MMP16: variants seen among roughly 807,000 people sequenced by gnomAD.
MMP16 encodes matrix metalloproteinase-16.
A neutral mutation model predicts 67.8 loss-of-function variants in MMP16; 12 were observed. The observed-to-expected ratio is 0.18, with a 90% CI of 0.11 to 0.29. The LOEUF is 0.29. MMP16 is among the 10% of genes least tolerant of loss of function. The pLI is 1.00. For synonymous variants in MMP16, 249 were observed against 255.9 expected (o/e 0.97, Z 0.26); for missense variants, 475 against 765.7 (o/e 0.62, Z 4.48).
chr8:88,284,387 TAGAA>T (rs1467552556), intron 1 of MMP16, among the ~76,000 whole-genome samples: 4 of 152,134 alleles, frequency 2.6e-5, no homozygotes, highest in African/African-American at 7.2e-5. Context: ...ATTGTTTAGT[TAGAA>T]AGGATCTCAA....
At chr8:88,171,830 A>ATT (rs148093843) in intron 3 of MMP16, among the ~76,000 whole-genome samples, 58 of 144,150 alleles carry the variant, frequency 4.0e-4, no homozygotes, top group Non-Finnish European at 5.8e-4. Context: ...GATATGATGC[A>ATT]TTTTTTTTTT....
intron 1 of MMP16, 97 bp downstream of exon 1, chr8:88,326,978 C>T (rs1368585949): frequency 6.6e-6 from 10 of 1,519,152 alleles, no homozygotes; most frequent in African/African-American, 5.5e-5. Context: ...TGCTGGGACC[C>T]AGGCTGCTCT....
In MMP16 at chr8:88,046,671, T is replaced by C. The variant is rs762250691; in HGVS notation, c.1487A>G (p.Asn496Ser). 2 of 1,581,796 alleles carry C rather than the reference T, an allele frequency of 1.3e-6. No homozygotes were observed. Among genetic ancestry groups the C allele is most frequent in the Admixed American group, 3.8e-5 (2 of 53,058 alleles). The change falls in exon 9 of 10, where the codon AAT (asparagine) becomes AGT (serine). Residue 496 changes from asparagine to serine, a missense_variant and splice_region_variant. This residue lies in a region of MMP16 where 23 missense variants were observed against 79.1 expected (regional missense o/e 0.29). Transcript: ENST00000286614. Reference sequence around the variant, plus strand: ...TGTAGAAAGCACATGTTGCATACCATTTTCTTTGTGTACAAATGCTCCCTG... The same window carrying C: ...TGTAGAAAGCACATGTTGCATACCACTTTCTTTGTGTACAAATGCTCCCTG... ...SPQGAFVHKENGFTYFYKGKE... is the reference protein window; with the variant it reads ...SPQGAFVHKESGFTYFYKGKE...
intron 1 of MMP16, among the ~76,000 whole-genome samples, chr8:88,236,904 G>A (rs2129888373): frequency 6.6e-6 from 1 of 152,194 alleles, no homozygotes; most frequent in East Asian, 1.9e-4. Flanking sequence ...ATGCTACATA[G>A]CACTTAAGGC....
chr8:88,048,007 A>ATTT (rs2118203585), intron 8 of MMP16, among the ~76,000 whole-genome samples: 1 of 152,306 alleles, frequency 6.6e-6, no homozygotes, highest in East Asian at 1.9e-4. Context: ...GTGGGATGTG[A>ATTT]AAGAGAAGGA....
chr8:88,109,895 A>G (rs1004337239), intron 6 of MMP16, among the ~76,000 whole-genome samples: 6 of 151,324 alleles, frequency 4.0e-5, no homozygotes, highest in Admixed American at 2.6e-4. Flanking sequence ...CACAATTAAT[A>G]TAATTTCAGA....
At chr8:88,209,774 T>C (rs1188060047) in intron 1 of MMP16, among the ~76,000 whole-genome samples, 4 of 152,206 alleles carry the variant, frequency 2.6e-5, no homozygotes, top group African/African-American at 9.6e-5. Flanking sequence ...TGGTCACCCA[T>C]GTTGCAGTGT....
rs1335407143 is a variant in MMP16 at position 88,250,903 on chromosome 8, A to G, written c.133-53597T>C. Among the ~76,000 whole-genome samples, 4 of 150,614 alleles carry G rather than the reference A, an allele frequency of 2.7e-5. No individual in the cohort carries two copies. The East Asian group carries it at 7.9e-4, about 30-fold the overall frequency. On this transcript the variant is annotated intron_variant, in intron 1 of 9. Coordinates refer to ENST00000286614, the MANE Select transcript of MMP16 (RefSeq NM_005941.5). ...TAACTCATCATCTAGCATTAGTTAT[A>G]TCTCCCAATGCTATCCCTCCCCCCT... is the stretch of plus-strand genomic sequence containing the variant.
chr8:88,313,058 G>A (rs1445439436), intron 1 of MMP16, among the ~76,000 whole-genome samples: 2 of 152,058 alleles, frequency 1.3e-5, no homozygotes, highest in South Asian at 2.1e-4. Context: ...TCTTTTTAAT[G>A]GGCTTTGTTC....
intron 6 of MMP16, among the ~76,000 whole-genome samples, chr8:88,091,278 C>T (rs1808931353): frequency 6.6e-6 from 1 of 151,744 alleles, no homozygotes; most frequent in African/African-American, 2.4e-5. Context: ...CTATTTTCCC[C>T]CAAAAGATCC....
intron 6 of MMP16, among the ~76,000 whole-genome samples, chr8:88,094,356 A>G (rs1249131999): frequency 1.3e-5 from 2 of 151,760 alleles, no homozygotes; most frequent in African/African-American, 4.8e-5. Flanking sequence ...AATTATTGAT[A>G]GTAATTAGAA....
intron 7 of MMP16, among the ~76,000 whole-genome samples, chr8:88,071,475 T>C (rs1440239105): frequency 1.3e-5 from 2 of 150,998 alleles, no homozygotes; most frequent in Non-Finnish European, 2.9e-5. Context: ...CTAGCACAGA[T>C]TGGAAGAAGA....
At chr8:88,155,245 C>A (rs1030808363) in intron 4 of MMP16, among the ~76,000 whole-genome samples, 1 of 151,926 alleles carries the variant, frequency 6.6e-6, no homozygotes, top group African/African-American at 2.4e-5. Context: ...ACTACAGATA[C>A]AATTTAATAA....
At chr8:88,179,877 G>T (rs1348886988) in intron 3 of MMP16, among the ~76,000 whole-genome samples, 1 of 152,168 alleles carries the variant, frequency 6.6e-6, no homozygotes, top group Non-Finnish European at 1.5e-5. Context: ...ACTAAAACCA[G>T]AGAAGGCACT....
chr8:88,138,066 A>G (rs1281903143), intron 4 of MMP16, among the ~76,000 whole-genome samples: 1 of 151,980 alleles, frequency 6.6e-6, no homozygotes. Context: ...CTGAATGATA[A>G]TTCCAACACC....
intron 6 of MMP16, among the ~76,000 whole-genome samples, chr8:88,110,649 T>C (rs1465082070): frequency 6.6e-6 from 1 of 151,602 alleles, no homozygotes; most frequent in African/African-American, 2.4e-5. Flanking sequence ...TGTAAAACAC[T>C]TTTCGGACTC....
chr8:88,177,385 C>T (rs1331302881), intron 3 of MMP16, among the ~76,000 whole-genome samples: 1 of 152,048 alleles, frequency 6.6e-6, no homozygotes, highest in Non-Finnish European at 1.5e-5. Flanking sequence ...AAATTCTGCC[C>T]CAAAAGTGGA....
chr8:88,268,101 G>A (rs1810507111), intron 1 of MMP16, among the ~76,000 whole-genome samples: 1 of 152,152 alleles, frequency 6.6e-6, no homozygotes, highest in Non-Finnish European at 1.5e-5. Context: ...CCAGCATTTT[G>A]GGAGGCCAAG....
intron 4 of MMP16, 106 bp downstream of exon 4, chr8:88,167,563 A>C (rs912602603): frequency 7.9e-6 from 9 of 1,137,908 alleles, no homozygotes; most frequent in Admixed American, 2.8e-5. Flanking sequence ...TGGAATTTTA[A>C]AAGTAAATTT....
Sources: allele counts gnomAD v4.1 joint callset (sites outside exome capture counted in the v4.1 genomes callset), GRCh38; gene constraint gnomAD v4.1.1; regional missense constraint gnomAD v4.1.1; transcripts MANE v1.5; gene names NCBI Gene and HGNC (gene_info 2026-07-23, HGNC 2026-07-21).